The following RBFOX1 variants were observed in gnomAD, a reference collection of about 807,000 sequenced individuals.
RBFOX1 encodes the protein RNA binding fox-1 homolog 1.
RBFOX1 carries 8 observed loss-of-function variants against 57.7 expected under a neutral mutation model. The observed-to-expected ratio is 0.14, with a 90% CI of 0.08 to 0.25. RBFOX1 has a LOEUF of 0.25. Ranked by LOEUF, RBFOX1 falls within the 10% of genes least tolerant of loss-of-function variation. The probability of loss-of-function intolerance (pLI) is 1.00; values close to 1 mark genes in which losing one functional copy is unlikely to be tolerated. For synonymous variants in RBFOX1, 326 were observed against 222.4 expected, an observed-to-expected ratio of 1.47 and a Z score of -4.15; for missense variants, 611 against 548.5, an observed-to-expected ratio of 1.11 and a Z score of -1.14.
Position 7,161,655 on chromosome 16 carries a change from G to T in RBFOX1, c.27+109557G>T, listed in dbSNP as rs183425740. Among the ~76,000 whole-genome samples, 185 of 152,270 alleles carry T rather than the reference G, an allele frequency of 1.2e-3. 1 individual carries two copies. Among genetic ancestry groups the T allele is most frequent in the African/African-American group, 4.4e-3 (183 of 41,558 alleles). On this transcript the variant is annotated intron_variant, in intron 4 of 15. Transcript: ENST00000550418. ...AGCTTTCTATGGAGGTAAGGAAGAG[G>T]ATCAGGTTCACAAATGCAGAAATAA...
At chr16:6,996,289 G>C (rs1228919484) in intron 3 of RBFOX1, among the ~76,000 whole-genome samples, 1 of 152,072 alleles carries the variant, frequency 6.6e-6, no homozygotes, top group Non-Finnish European at 1.5e-5. Flanking sequence ...CTCTACTTTA[G>C]AATAACACTG....
intron 1 of RBFOX1, among the ~76,000 whole-genome samples, chr16:5,449,341 C>T (rs1015075691): frequency 3.3e-5 from 5 of 152,222 alleles, no homozygotes; most frequent in African/African-American, 1.2e-4. Flanking sequence ...CCCCTCATCT[C>T]TTCAGGTTGC....
At chr16:7,600,903 TGG>T (rs2094978093) in intron 9 of RBFOX1, among the ~76,000 whole-genome samples, 2 of 152,230 alleles carry the variant, frequency 1.3e-5, no homozygotes, top group African/African-American at 2.4e-5. Flanking sequence ...CGTAGGCTTC[TGG>T]ACATTCTATT....
intron 2 of RBFOX1, among the ~76,000 whole-genome samples, chr16:6,615,556 C>T (rs866937841): frequency 8.0e-5 from 12 of 149,094 alleles, no homozygotes; most frequent in South Asian, 6.3e-4. Context: ...GGAGAAAGAG[C>T]GAATCTCCAT....
In RBFOX1 at chr16:7,439,947, TTC is replaced by T. The variant is rs751134680; in HGVS notation, c.28-78198_28-78197del. ...ACCACAAAACAACCAAATCTTTTCT[TTC>T]TTTTTTTTTTTTTTTTTTTTGAGAC... On this transcript the variant is annotated intron_variant, in intron 4 of 15. Coordinates refer to ENST00000550418, the MANE Select transcript of RBFOX1 (RefSeq NM_018723.4). Among the ~76,000 whole-genome samples, 95 of 112,586 alleles carry T rather than the reference TTC, an allele frequency of 8.4e-4. 1 individual carries two copies. Among genetic ancestry groups the T allele is most frequent in the East Asian group, 3.1e-3 (11 of 3,516 alleles). The allele number at this position is 112,586 out of a possible 152,430, so 73.9% of individuals were successfully genotyped here. A position where few individuals can be genotyped will look rare whatever the true frequency, so the allele number is the denominator to read the frequency against.
chr16:6,841,622 A>G (rs2093467898), intron 3 of RBFOX1, among the ~76,000 whole-genome samples: 1 of 152,072 alleles, frequency 6.6e-6, no homozygotes, highest in Non-Finnish European at 1.5e-5. Context: ...CAAAACTCTC[A>G]CGAATGCTTT....
Position 5,702,832 on chromosome 16 carries a change from A to C in RBFOX1, c.318+103871A>C, listed in dbSNP as rs74004502. Among the ~76,000 whole-genome samples the C allele has an allele frequency of 9.1e-4, 139 of 152,280 alleles. 1 individual carries two copies. The highest frequency in any genetic ancestry group is 3.2e-3 in the African/African-American group (132 of 41,556). On this transcript the variant is annotated intron_variant, in intron 3 of 19. Coordinates refer to the RBFOX1 transcript ENST00000641259. ...GTGGAACTAAGTTTAGTAAATGCTC[A>C]TGTTTTTAGATAACACCCTCTATGC...
rs138893964 is a variant in RBFOX1 at position 5,316,925 on chromosome 16, A to G, written c.219+76820A>G. Among the ~76,000 whole-genome samples, 3 of 152,268 alleles carry G rather than the reference A, an allele frequency of 2.0e-5. No individual in the cohort carries two copies. The East Asian group carries it at 5.8e-4, about 29-fold the overall frequency. ...TCCAATTGGCTGGGGTCTCAGAGGA[A>G]CAAAAAGGTAAAGGAAGGGTGAACT... On this transcript the variant is annotated intron_variant, in intron 1 of 2. Coordinates refer to the RBFOX1 transcript ENST00000585867.
At chr16:6,595,869 C>G (rs894366171) in intron 2 of RBFOX1, among the ~76,000 whole-genome samples, 2 of 152,030 alleles carry the variant, frequency 1.3e-5, no homozygotes, top group African/African-American at 4.8e-5. Flanking sequence ...TGGACAAACC[C>G]TATTAAAAAA....
chr16:5,726,969 G>A (rs755757872), intron 3 of RBFOX1, among the ~76,000 whole-genome samples: 7 of 152,118 alleles, frequency 4.6e-5, no homozygotes, highest in Non-Finnish European at 7.4e-5. Flanking sequence ...TTCAAACCTC[G>A]ATGTGAAGGC....
At chr16:7,043,123 C>G (rs963313706) in intron 3 of RBFOX1, among the ~76,000 whole-genome samples, 11 of 147,544 alleles carry the variant, frequency 7.5e-5, no homozygotes, top group African/African-American at 2.5e-4. Flanking sequence ...GGGAGGTCCT[C>G]CCGCCCAACT....
intron 3 of RBFOX1, among the ~76,000 whole-genome samples, chr16:6,923,423 C>G (rs762322248): frequency 6.6e-6 from 1 of 152,096 alleles, no homozygotes; most frequent in Non-Finnish European, 1.5e-5. Context: ...ATTCCAGCTA[C>G]TTGGAAGGCT....
chr16:7,495,514 G>C (rs2068327089), intron 4 of RBFOX1, among the ~76,000 whole-genome samples: 1 of 152,176 alleles, frequency 6.6e-6, no homozygotes, highest in Non-Finnish European at 1.5e-5. Flanking sequence ...TAGGCATTTT[G>C]ACTGGTGCGA....
At chr16:5,920,221 A>G (rs551506273) in intron 4 of RBFOX1, among the ~76,000 whole-genome samples, 1 of 152,214 alleles carries the variant, frequency 6.6e-6, no homozygotes, top group East Asian at 1.9e-4. Context: ...GGCCTGAGCC[A>G]CCACACCCGG....
chr16:7,599,857 G>A (rs748802875), intron 9 of RBFOX1, among the ~76,000 whole-genome samples: 4 of 150,996 alleles, frequency 2.6e-5, no homozygotes, highest in African/African-American at 4.9e-5. Context: ...GGCTGGTCTC[G>A]AACTCCTGAG....
chr16:5,662,595 C>G (rs556650406), intron 3 of RBFOX1, among the ~76,000 whole-genome samples: 1 of 152,280 alleles, frequency 6.6e-6, no homozygotes, highest in African/African-American at 2.4e-5. Flanking sequence ...GAGTTACCCC[C>G]TACCATTTTT....
intron 1 of RBFOX1, among the ~76,000 whole-genome samples, chr16:5,398,422 T>C (rs2066623358): frequency 6.6e-6 from 1 of 152,040 alleles, no homozygotes; most frequent in African/African-American, 2.4e-5. Flanking sequence ...TGTGTATCTG[T>C]AGGTACGTGT....
At chr16:6,028,892 G>A (rs190015319) in intron 1 of RBFOX1, among the ~76,000 whole-genome samples, 193 of 152,338 alleles carry the variant, frequency 1.3e-3, no homozygotes, top group African/African-American at 4.4e-3. Context: ...ACAAAGTCAT[G>A]GCAGCCAGGT....
chr16:7,219,884 C>T (rs1047607196), intron 4 of RBFOX1, among the ~76,000 whole-genome samples: 2 of 152,110 alleles, frequency 1.3e-5, no homozygotes, highest in Non-Finnish European at 2.9e-5. Context: ...GTTTTCTAAC[C>T]AAAGAGAAAT....
Sources: gnomAD v4.1 joint callset for allele counts (sites outside exome capture counted in the v4.1 genomes callset) on GRCh38, gnomAD v4.1.1 for gene constraint, MANE v1.5 for transcripts, NCBI Gene and HGNC (gene_info 2026-07-23, HGNC 2026-07-21) for gene names.